TMEM82: variants seen among roughly 807,000 people sequenced by gnomAD.
TMEM82 encodes transmembrane protein 82.
TMEM82 carries 30 observed loss-of-function variants against 29.2 expected under a neutral mutation model. That is an observed-to-expected ratio of 1.03 (90% CI 0.77 to 1.39). The LOEUF is 1.39. Ranked by LOEUF, TMEM82 falls within the 40% of genes most tolerant of loss-of-function variation. TMEM82 has a pLI of 0.00. For missense variants in TMEM82, 442 were observed against 447.7 expected, an observed-to-expected ratio of 0.99 and a Z score of 0.12; for synonymous variants, 221 against 225.4, an observed-to-expected ratio of 0.98 and a Z score of 0.18.
intron 3 of TMEM82, among the ~76,000 whole-genome samples, chr1:15,743,761 C>T (rs920266612): frequency 6.6e-6 from 1 of 152,074 alleles, no homozygotes; most frequent in African/African-American, 2.4e-5. Flanking sequence ...CGAGACCAGC[C>T]TGGCCAACAT....
In TMEM82 at chr1:15,743,075, G is replaced by A. The variant is rs558042180; in HGVS notation, c.217G>A (p.Glu73Lys). Residue 73 changes from glutamate to lysine, a missense_variant, in exon 3 of 6, where the codon GAA becomes AAA. Transcript: ENST00000375782. The stretch of plus-strand genomic sequence containing the variant: ...GCTTCGGGCCCAGTGGGCCTCCCTG[G>A]AAACGGTGCACCTGGCAGGGCTGGC... ...ERLRAQWASL[E>K]TVHLAGLALF... The A allele has an allele frequency of 2.2e-5, 35 of 1,609,600 alleles. No individual in the cohort carries two copies. The East Asian group carries it at 7.4e-4, about 34-fold the overall frequency.
Position 15,744,207 on chromosome 1 carries a change from G to A in TMEM82, c.384G>A (p.Gln128=). The A allele has an allele frequency of 6.3e-7, 1 of 1,591,032 alleles. No homozygotes were observed. Among genetic ancestry groups the A allele is most frequent in the African/African-American group, 1.3e-5 (1 of 74,804 alleles). ...GGCTGCAGCTCTACCTGCTGTGCCAGTACTCGCTGGGCTGCGGGCTGACCT... is the reference window on the plus strand; with the variant it reads ...GGCTGCAGCTCTACCTGCTGTGCCAATACTCGCTGGGCTGCGGGCTGACCT... The part of the protein sequence containing the change: ...AERLQLYLLC[Q]YSLGCGLTCG... The change falls in exon 4 of 6, where the codon CAG becomes CAA. Residue 128 remains glutamine, a synonymous_variant. Transcript: ENST00000375782. This position sits in a 1 kb window ranked among gnomAD's most constrained non-coding sequence, Gnocchi z 5.2.
chr1:15,743,817 TA>T (rs1210741997), intron 3 of TMEM82, among the ~76,000 whole-genome samples: 1 of 151,764 alleles, frequency 6.6e-6, no homozygotes, highest in African/African-American at 2.4e-5. Context: ...ACAAAAAAAT[TA>T]GCTGGGCATG....
In TMEM82 at chr1:15,742,632, G is replaced by T; in HGVS notation, c.73G>T (p.Asp25Tyr). The change falls in exon 1 of 6, where the codon GAC (aspartate) becomes TAC (tyrosine). Residue 25 changes from aspartate (D) to tyrosine (Y), a missense_variant. Asp to Tyr is a radical substitution (Grantham distance 160). Transcript: ENST00000375782. ...PSLEWGSSLL[D>Y]SLLQGLIGAL... is the part of the protein sequence containing the mutation. ...CCTCGAGTGGGGCTCTAGCCTCCTT[G>T]ACTCCCTCCTGCAAGGTGAGCACCT... is the stretch of plus-strand genomic sequence containing the variant. 6.2e-7 allele frequency: 1 copy of T among 1,609,208 alleles called. No homozygotes were observed.
At chr1:15,747,523 TC>T (rs2068347455) in intron 5 of TMEM82, 22 bp from the exon 6 acceptor site, 1 of 1,605,660 alleles carries the variant, frequency 6.2e-7, no homozygotes, top group Non-Finnish European at 8.5e-7. Context: ...ATGGGTGGTG[TC>T]ATTCTCAACG....
intron 5 of TMEM82, among the ~76,000 whole-genome samples, 177 bp from the exon 6 acceptor site, chr1:15,747,369 C>G (rs1291111716): frequency 6.6e-6 from 1 of 152,068 alleles, no homozygotes; most frequent in African/African-American, 2.4e-5. Flanking sequence ...CCTCTCCCAC[C>G]CTCTTTCACC....
rs183975545 is a variant in TMEM82 at position 15,744,129 on chromosome 1, C to T, written c.337-31C>T. The T allele has an allele frequency of 1.4e-4, 208 of 1,468,644 alleles. 4 individuals carry two copies. In the Admixed American group the frequency reaches 4.7e-3, roughly 33 times the overall value. 91.0% of individuals were successfully genotyped at this position (1,468,644 alleles called of 1,614,324 possible). Reference sequence around the variant, plus strand: ...AGCACCTGTGGTGAGGCAGCCCCCACATCTCGGCCCCTCTTCGGCACTCCC... The same window carrying T: ...AGCACCTGTGGTGAGGCAGCCCCCATATCTCGGCCCCTCTTCGGCACTCCC... On this transcript the variant is annotated intron_variant, in intron 3 of 5. Coordinates refer to ENST00000375782, the MANE Select transcript of TMEM82 (RefSeq NM_001013641.3). This position sits in a 1 kb window ranked among gnomAD's most constrained non-coding sequence, Gnocchi z 5.2.
chr1:15,747,703 C>A lies in TMEM82; in HGVS notation c.*71C>A, dbSNP rs71631747. ...GATCTCCGAGGCCTTGACCCCAGGGCGATGCCTGGAGGCAGAGTGGCAGAG... is the reference window on the plus strand; with the variant it reads ...GATCTCCGAGGCCTTGACCCCAGGGAGATGCCTGGAGGCAGAGTGGCAGAG... On this transcript the variant is annotated 3_prime_UTR_variant, in exon 6 of 6. Transcript: ENST00000375782. 2 of 1,386,082 alleles carry A rather than the reference C, an allele frequency of 1.4e-6. No homozygotes were observed. The highest frequency in any genetic ancestry group is 1.4e-5 in the African/African-American group (1 of 69,934). The allele number at this position is 1,386,082 out of a possible 1,614,324, so 85.9% of individuals were successfully genotyped here.
At chr1:15,743,241 G>A in intron 3 of TMEM82, 47 bp downstream of exon 3, 2 of 1,559,970 alleles carry the variant, frequency 1.3e-6, no homozygotes, top group Non-Finnish European at 1.7e-6. Context: ...CCAGCCCAGG[G>A]CCCGGGCTCA....
chr1:15,743,625 C>T (rs954935856), intron 3 of TMEM82, among the ~76,000 whole-genome samples: 3 of 152,178 alleles, frequency 2.0e-5, no homozygotes, highest in African/African-American at 7.2e-5. Flanking sequence ...TCTGAACCAC[C>T]ACCCTTCAGC....
chr1:15,745,820 G>A (rs985388799), intron 4 of TMEM82, among the ~76,000 whole-genome samples: 18 of 149,418 alleles, frequency 1.2e-4, no homozygotes, highest in Admixed American at 6.0e-4. Context: ...CCTGGGAGGC[G>A]GAGGTTGCAG....
rs577365612 is a variant in TMEM82, at chr1:15,746,426, A to C, written c.758-441A>C. On this transcript the variant is annotated intron_variant, in intron 4 of 5. Coordinates refer to ENST00000375782, the MANE Select transcript of TMEM82 (RefSeq NM_001013641.3). ...AGACTGTCTCAAAAAAAAAAAAAAA[A>C]AAAGAACAGAAGCCGGGAGCCTGGC... 5.9e-5 allele frequency among the ~76,000 whole-genome samples: 9 copies of C among 151,486 alleles called. 1 individual carries two copies. The highest frequency in any genetic ancestry group is 3.4e-3 in the Middle Eastern group (1 of 292).
intron 1 of TMEM82, 82 bp downstream of exon 1, chr1:15,742,729 C>T (rs1000512368): frequency 9.3e-6 from 14 of 1,513,104 alleles, no homozygotes; most frequent in Admixed American, 7.2e-5. Flanking sequence ...CCCACCTGGT[C>T]TCCCGACACC....
Position 15,742,828 on chromosome 1 carries a change from C to A in TMEM82, c.89-7C>A. ...GCTGCCTCGCTGCCTCCCTCCCGCC[C>A]CCTCAGGCCTGATCGGGGCCCTTGG... On this transcript the variant is annotated splice_polypyrimidine_tract_variant and splice_region_variant and intron_variant, in intron 1 of 5. Transcript: ENST00000375782. 1 of 1,611,046 alleles carries A rather than the reference C, an allele frequency of 6.2e-7. No homozygotes were observed. Among genetic ancestry groups the A allele is most frequent in the Non-Finnish European group, 8.5e-7 (1 of 1,178,652 alleles).
At chr1:15,742,794 C>A (rs1569603046) in intron 1 of TMEM82, 41 bp from the exon 2 acceptor site, 2 of 1,595,520 alleles carry the variant, frequency 1.3e-6, no homozygotes, top group Middle Eastern at 1.7e-4. Flanking sequence ...CCTCCTAACA[C>A]CCCTGCACGC....
chr1:15,746,473 G>A (rs1298257547), intron 4 of TMEM82, among the ~76,000 whole-genome samples: 7 of 152,012 alleles, frequency 4.6e-5, no homozygotes, highest in Non-Finnish European at 1.0e-4. Context: ...TTGGAAAGAG[G>A]AAGGTGGTTT....
chr1:15,745,406 C>T (rs2148395584), intron 4 of TMEM82, among the ~76,000 whole-genome samples: 1 of 152,134 alleles, frequency 6.6e-6, no homozygotes, highest in South Asian at 2.1e-4. Context: ...TGTAATCCAG[C>T]TACTCAGGAG....
At position 15,742,894 on chromosome 1, in the gene TMEM82, G is replaced by A. The variant is rs779656500; in HGVS notation, c.148G>A (p.Val50Met). The stretch of plus-strand genomic sequence containing the variant: ...CAGCCTCCTGAAAGTTTACTTCTTC[G>A]TGGGCTGTGCCAAGTGAGTGCCCAC... ...LNSLLKVYFF[V>M]GCANDPQRRP... Residue 50 changes from valine (V) to methionine (M), a missense_variant, in exon 2 of 6, where the codon GTG (valine) becomes ATG (methionine). Physicochemically the swap from Val to Met is conservative, Grantham distance 21 (BLOSUM62 1). Coordinates refer to ENST00000375782, the MANE Select transcript of TMEM82 (RefSeq NM_001013641.3). The A allele has an allele frequency of 2.3e-5, 37 of 1,612,672 alleles. No individual in the cohort carries two copies. The highest frequency in any genetic ancestry group is 1.6e-4 in the Middle Eastern group (1 of 6,084).
chr1:15,743,722 G>A (rs1569606048), intron 3 of TMEM82, among the ~76,000 whole-genome samples: 1 of 152,212 alleles, frequency 6.6e-6, no homozygotes, highest in African/African-American at 2.4e-5. Flanking sequence ...GGGAGGCCGA[G>A]GCAGGCGGAT....
Sources: allele counts gnomAD v4.1 joint callset (sites outside exome capture counted in the v4.1 genomes callset), GRCh38; gene constraint gnomAD v4.1.1; non-coding constraint Gnocchi (gnomAD v3.1); transcripts MANE v1.5; gene names NCBI Gene and HGNC (gene_info 2026-07-23, HGNC 2026-07-21).